The following LOXHD1 variants were observed in gnomAD, a reference collection of about 807,000 sequenced individuals.
LOXHD1 encodes the protein lipoxygenase homology PLAT domains 1.
In LOXHD1, 205 loss-of-function variants were observed where a neutral mutation model predicts 248.2. The ratio of observed to expected loss-of-function variants is 0.83; its 90% CI spans 0.74 to 0.93. The LOEUF (loss-of-function observed/expected upper bound fraction) is 0.93, where lower values mean the gene tolerates loss of function less well. LOXHD1 is among the 40% of genes least tolerant of loss of function. The probability of loss-of-function intolerance (pLI) is 0.00; values close to 1 mark genes in which losing one functional copy is unlikely to be tolerated. For missense variants in LOXHD1, 2,930 were observed against 2,971.6 expected, an observed-to-expected ratio of 0.99 and a Z score of 0.33; for synonymous variants, 1,113 against 1,162.8, an observed-to-expected ratio of 0.96 and a Z score of 0.87.
At chr18:46,563,926 C>G (rs751263161) in intron 17 of LOXHD1, among the ~76,000 whole-genome samples, 1 of 152,048 alleles carries the variant, frequency 6.6e-6, no homozygotes, top group Admixed American at 6.5e-5. Flanking sequence ...GCAGAGAGAG[C>G]GATCCATCGA....
chr18:46,593,605 ACTT>A lies in LOXHD1; in HGVS notation c.1423_1425del (p.Lys475del), dbSNP rs1449744947. ...CCATCACAATCCTCTCCTACCCTAA[ACTT>A]CTCGATTATGCCGGGTTTGAACCAC... is the stretch of plus-strand genomic sequence containing the variant. On this transcript the variant is annotated inframe_deletion, in exon 10 of 41. Transcript: ENST00000642948. The A allele has an allele frequency of 6.4e-7, 1 of 1,551,766 alleles. No individual in the cohort carries two copies. The highest frequency in any genetic ancestry group is 1.4e-5 in the African/African-American group (1 of 72,876).
At chr18:46,524,622 G>A in intron 30 of LOXHD1, 21 bp from the exon 31 acceptor site, 1 of 1,551,574 alleles carries the variant, frequency 6.4e-7, no homozygotes, top group Non-Finnish European at 8.7e-7. Flanking sequence ...GAGCAGGACT[G>A]GCAGTTGCAG....
chr18:46,521,377 A>G, intron 32 of LOXHD1, 95 bp from the exon 33 acceptor site: 2 of 1,398,412 alleles, frequency 1.4e-6, no homozygotes, highest in Non-Finnish European at 2.0e-6. Context: ...TCTTCCCAGT[A>G]TGCTGTGCAC....
intron 21 of LOXHD1, 113 bp downstream of exon 21, chr18:46,557,243 A>C (rs1598996660): frequency 2.3e-5 from 28 of 1,202,114 alleles, no homozygotes; most frequent in Admixed American, 4.4e-5. Context: ...GCCCACCCTC[A>C]CCCTCCACCG....
intron 4 of LOXHD1, among the ~76,000 whole-genome samples, chr18:46,623,847 G>T (rs1181541519): frequency 6.6e-6 from 1 of 152,246 alleles, no homozygotes; most frequent in Non-Finnish European, 1.5e-5. Flanking sequence ...CATGCAGAGA[G>T]GCAGAGCCAT....
rs1057195292 is a variant in LOXHD1 at position 46,577,774 on chromosome 18, G to A, written c.1903C>T (p.Leu635=). 1 of 1,551,676 alleles carries A rather than the reference G, an allele frequency of 6.4e-7. No homozygotes were observed. The highest frequency in any genetic ancestry group is 1.2e-5 in the South Asian group (1 of 84,054). Residue 635 remains leucine (L), a synonymous_variant, in exon 14 of 41, where the codon CTG becomes TTG. Transcript: ENST00000642948. ...DGKGSGSGWY[L]DRVLVREEGQ... ...TCCTCTCTCACCAGCACTCTGTCCA[G>A]GTACCAGCCGCTGCCGGAGCCTTTG...
chr18:46,654,676 C>T (rs866859728), intron 1 of LOXHD1, among the ~76,000 whole-genome samples: 3 of 152,342 alleles, frequency 2.0e-5, no homozygotes, highest in East Asian at 1.9e-4. Context: ...AGACTCTCCA[C>T]GTAACACCAG....
In LOXHD1 at chr18:46,533,247, C is replaced by T; in HGVS notation, c.4290G>A (p.Leu1430=). ...SEDDKKTIRE[L]VPYDIFTEKY... ...TCTCAGTGAAGATGTCATATGGAAC[C>T]AGTTCTCGAATGGTCTTTTTGTCAT... Residue 1430 remains leucine (L), a synonymous_variant, in exon 28 of 41, where the codon CTG becomes CTA. Transcript: ENST00000642948. 6.4e-7 allele frequency: 1 copy of T among 1,551,774 alleles called. No homozygotes were observed.
Position 46,601,392 on chromosome 18 carries a change from A to T in LOXHD1, c.959T>A (p.Met320Lys). 6.4e-7 allele frequency: 1 copy of T among 1,551,670 alleles called. No homozygotes were observed. The highest frequency in any genetic ancestry group is 1.2e-5 in the South Asian group (1 of 84,062). Reference protein sequence around the residue: ...AGTKSKIYLVMYGARGNKNSG... With the variant: ...AGTKSKIYLVKYGARGNKNSG... Reference sequence around the variant, plus strand: ...GTTCTTATTCCCTCTGGCCCCATACATGACCAAGTAGATTTTGGATTTGGT... The same window carrying T: ...GTTCTTATTCCCTCTGGCCCCATACTTGACCAAGTAGATTTTGGATTTGGT... Residue 320 changes from methionine (M) to lysine (K), a missense_variant, in exon 8 of 41, where the codon ATG becomes AAG. Coordinates refer to ENST00000642948, the MANE Select transcript of LOXHD1 (RefSeq NM_001384474.1).
intron 28 of LOXHD1, among the ~76,000 whole-genome samples, chr18:46,531,880 A>G (rs1400174235): frequency 6.6e-6 from 1 of 152,178 alleles, no homozygotes; most frequent in Non-Finnish European, 1.5e-5. Context: ...AGCAAAGACT[A>G]TGTGGAGAAA....
chr18:46,617,237 A>C (rs2038600130), intron 5 of LOXHD1, among the ~76,000 whole-genome samples: 1 of 152,058 alleles, frequency 6.6e-6, no homozygotes, highest in Admixed American at 6.6e-5. Flanking sequence ...TAAAATTTAG[A>C]GCTCTTGCCA....
At chr18:46,564,440 G>A (rs948694111) in intron 17 of LOXHD1, among the ~76,000 whole-genome samples, 1 of 152,238 alleles carries the variant, frequency 6.6e-6, no homozygotes, top group East Asian at 1.9e-4. Flanking sequence ...GCTGAGGCAG[G>A]GGGATCGCTC....
Position 46,488,625 on chromosome 18 carries a change from T to C in LOXHD1, c.6049+347A>G, listed in dbSNP as rs547520948. 2.6e-5 allele frequency among the ~76,000 whole-genome samples: 4 copies of C among 152,280 alleles called. No individual in the cohort carries two copies. In the South Asian group the frequency reaches 8.3e-4, roughly 32 times the overall value. On this transcript the variant is annotated intron_variant, in intron 38 of 40. Transcript: ENST00000642948. ...CATTCTGTTTCTAGGAAGCGTTGAT[T>C]AGGCAGCTGTTGCCACAGGCATCAG... is the stretch of plus-strand genomic sequence containing the variant.
chr18:46,570,518 T>C (rs2037731998), intron 15 of LOXHD1, among the ~76,000 whole-genome samples: 1 of 152,178 alleles, frequency 6.6e-6, no homozygotes, highest in African/African-American at 2.4e-5. Context: ...GACCTGCAGG[T>C]CTGCTCCAGA....
intron 34 of LOXHD1, among the ~76,000 whole-genome samples, chr18:46,511,906 T>C (rs544680414): frequency 4.5e-4 from 69 of 152,310 alleles, no homozygotes; most frequent in African/African-American, 1.6e-3. Context: ...GAGCCTATGC[T>C]TGAAATCACC....
chr18:46,615,010 G>A (rs1343159676), intron 5 of LOXHD1, among the ~76,000 whole-genome samples: 1 of 152,130 alleles, frequency 6.6e-6, no homozygotes, highest in Non-Finnish European at 1.5e-5. Flanking sequence ...GATCTCCTTG[G>A]AATTTGGCTA....
chr18:46,511,680 G>A lies in LOXHD1; in HGVS notation c.5400-1865C>T, dbSNP rs1385058628. 3.9e-5 allele frequency among the ~76,000 whole-genome samples: 6 copies of A among 152,354 alleles called. No individual in the cohort carries two copies. The East Asian group carries it at 9.6e-4, about 24-fold the overall frequency. On this transcript the variant is annotated intron_variant, in intron 34 of 40. Coordinates refer to ENST00000642948, the MANE Select transcript of LOXHD1 (RefSeq NM_001384474.1). Reference sequence around the variant, plus strand: ...GCTACAAAGCCCGGGAAGGGTTATGGTTAGGGACCCTGGGAGAGGGCTGGC... The same window carrying A: ...GCTACAAAGCCCGGGAAGGGTTATGATTAGGGACCCTGGGAGAGGGCTGGC...
At chr18:46,487,708 G>C (rs1271075506) in intron 38 of LOXHD1, among the ~76,000 whole-genome samples, 1 of 152,198 alleles carries the variant, frequency 6.6e-6, no homozygotes, top group South Asian at 2.1e-4. Flanking sequence ...GGAGCTGCGA[G>C]CAGCCACCTT....
At chr18:46,638,983 C>A (rs113015319) in intron 4 of LOXHD1, among the ~76,000 whole-genome samples, 2,865 of 152,306 alleles carry the variant, frequency 0.019, 103 homozygotes, top group African/African-American at 0.065. Flanking sequence ...TAATGCCCCC[C>A]TTTTTGGAAA....
Sources: gnomAD v4.1 joint callset for allele counts (sites outside exome capture counted in the v4.1 genomes callset) on GRCh38, gnomAD v4.1.1 for gene constraint, MANE v1.5 for transcripts, NCBI Gene and HGNC (gene_info 2026-07-23, HGNC 2026-07-21) for gene names.